CFAP20DC: variants seen among roughly 807,000 people sequenced by gnomAD.
CFAP20DC encodes protein CFAP20DC.
In CFAP20DC, 84 loss-of-function variants were observed where a neutral mutation model predicts 101.7. That is an observed-to-expected ratio of 0.83 (90% CI 0.69 to 0.99). The LOEUF (loss-of-function observed/expected upper bound fraction) is 0.99, where lower values mean the gene tolerates loss of function less well. Among genes scored for constraint, CFAP20DC ranks in the 50% least tolerant of loss-of-function variants. CFAP20DC has a pLI of 0.00. For synonymous variants in CFAP20DC, 359 were observed against 351.2 expected, an observed-to-expected ratio of 1.02 and a Z score of -0.25; for missense variants, 1,007 against 970.3, an observed-to-expected ratio of 1.04 and a Z score of -0.50.
intron 4 of CFAP20DC, among the ~76,000 whole-genome samples, chr3:59,025,752 T>C (rs536449870): frequency 1.3e-5 from 2 of 152,212 alleles, no homozygotes; most frequent in African/African-American, 4.8e-5. Flanking sequence ...ATCATTTAAC[T>C]GCACAGTGGT....
At chr3:58,757,381 C>T (rs1013989769) in intron 15 of CFAP20DC, among the ~76,000 whole-genome samples, 1 of 152,034 alleles carries the variant, frequency 6.6e-6, no homozygotes, top group Non-Finnish European at 1.5e-5. Context: ...TACATACACA[C>T]ACACACATAT....
chr3:58,812,699 G>A (rs1179154626), intron 14 of CFAP20DC, among the ~76,000 whole-genome samples: 1 of 151,504 alleles, frequency 6.6e-6, no homozygotes, highest in Non-Finnish European at 1.5e-5. Flanking sequence ...AAAACTTAAA[G>A]TATAATAATA....
chr3:59,046,259 T>C lies in CFAP20DC; in HGVS notation c.175A>G (p.Ile59Val). The C allele has an allele frequency of 1.3e-6, 2 of 1,532,794 alleles. No individual in the cohort carries two copies. Among genetic ancestry groups the C allele is most frequent in the Non-Finnish European group, 8.7e-7 (1 of 1,145,652 alleles). The allele number at this position is 1,532,794 out of a possible 1,614,324, so 94.9% of individuals were successfully genotyped here. The change falls in exon 3 of 17, where the codon ATT becomes GTT. Residue 59 changes from isoleucine to valine, a missense_variant. Ile to Val is a conservative substitution (Grantham distance 29). Transcript: ENST00000482387. ...TGCTTATTCTCCTTTGGTAACTGAA[T>C]TTTGTTTGTTTGGCTGCTGCCTTCC... is the stretch of plus-strand genomic sequence containing the variant. ...VLEGSSQTNK[I>V]QLPKENKQSL...
intron 7 of CFAP20DC, among the ~76,000 whole-genome samples, chr3:58,875,596 T>G (rs1267329420): frequency 1.3e-5 from 2 of 152,144 alleles, no homozygotes; most frequent in South Asian, 2.1e-4. Flanking sequence ...ACAAGAACAA[T>G]TTCCTGATGT....
intron 14 of CFAP20DC, among the ~76,000 whole-genome samples, chr3:58,831,428 CT>C (rs1351735166): frequency 2.6e-5 from 4 of 152,148 alleles, no homozygotes; most frequent in African/African-American, 9.7e-5. Flanking sequence ...TAAAATTGTT[CT>C]TTTTGTTCTT....
At chr3:58,770,908 A>G (rs2070781316) in intron 15 of CFAP20DC, among the ~76,000 whole-genome samples, 1 of 152,188 alleles carries the variant, frequency 6.6e-6, no homozygotes, top group Admixed American at 6.5e-5. Context: ...GGAATTTAGT[A>G]CATAGGTGTT....
chr3:58,758,592 GT>G (rs1196803334), intron 15 of CFAP20DC, among the ~76,000 whole-genome samples: 1 of 151,948 alleles, frequency 6.6e-6, no homozygotes, highest in African/African-American at 2.4e-5. Flanking sequence ...CAACGTGCAG[GT>G]TTGTTACATA....
chr3:58,923,043 A>AAGG (rs2085559312), intron 5 of CFAP20DC, among the ~76,000 whole-genome samples: 1 of 152,108 alleles, frequency 6.6e-6, no homozygotes, highest in Non-Finnish European at 1.5e-5. Context: ...AGTAGCTGGG[A>AAGG]CTACAGGTGT....
chr3:58,983,443 C>T (rs1007841251), intron 4 of CFAP20DC, among the ~76,000 whole-genome samples: 2 of 151,982 alleles, frequency 1.3e-5, no homozygotes, highest in African/African-American at 4.8e-5. Flanking sequence ...AGCACGAAAA[C>T]CATACTCAAT....
In CFAP20DC at chr3:58,869,297, C is replaced by A; in HGVS notation, c.1015+31G>T. 1 of 1,555,994 alleles carries A rather than the reference C, an allele frequency of 6.4e-7. No individual in the cohort carries two copies. Among genetic ancestry groups the A allele is most frequent in the Non-Finnish European group, 8.8e-7 (1 of 1,135,588 alleles). On this transcript the variant is annotated intron_variant, in intron 9 of 16. Transcript: ENST00000482387. The surrounding 1 kb of genome is among the most constrained non-coding windows in gnomAD (Gnocchi z 4.3). The stretch of plus-strand genomic sequence containing the variant: ...GAACATTTCTCACTATTTTCACTAG[C>A]TATCAATCTTTATGCATGATTATTT...
chr3:58,952,508 T>C (rs1016570923), intron 4 of CFAP20DC, among the ~76,000 whole-genome samples: 5 of 152,126 alleles, frequency 3.3e-5, no homozygotes, highest in African/African-American at 1.2e-4. Context: ...TGGCTGTGGA[T>C]TGTTCATTGA....
chr3:58,996,096 T>C (rs1338970329), intron 4 of CFAP20DC, among the ~76,000 whole-genome samples: 1 of 150,158 alleles, frequency 6.7e-6, no homozygotes, highest in African/African-American at 2.5e-5. Flanking sequence ...TTGGTATAAA[T>C]GAAGCAGAAA....
intron 4 of CFAP20DC, among the ~76,000 whole-genome samples, chr3:59,027,915 A>G (rs141874109): frequency 6.6e-6 from 1 of 152,376 alleles, no homozygotes; most frequent in East Asian, 1.9e-4. Context: ...AAGTGAAACC[A>G]TTAGACACAG....
intron 4 of CFAP20DC, among the ~76,000 whole-genome samples, chr3:58,976,350 T>C (rs2092275343): frequency 6.6e-6 from 1 of 151,980 alleles, no homozygotes; most frequent in Non-Finnish European, 1.5e-5. Flanking sequence ...TAAATGAAAA[T>C]GATTGTTGCC....
At chr3:58,793,839 G>T (rs1006204442) in intron 15 of CFAP20DC, among the ~76,000 whole-genome samples, 2 of 152,106 alleles carry the variant, frequency 1.3e-5, no homozygotes, top group Non-Finnish European at 2.9e-5. Context: ...CCAGATCTCA[G>T]GTTTCTTGTT....
chr3:58,850,480 C>T (rs368675469), intron 12 of CFAP20DC, among the ~76,000 whole-genome samples: 15 of 150,966 alleles, frequency 9.9e-5, no homozygotes, highest in African/African-American at 2.2e-4. Flanking sequence ...CCCAGCTACT[C>T]GGGAGACTGA....
intron 4 of CFAP20DC, among the ~76,000 whole-genome samples, chr3:59,019,275 T>C (rs2093753999): frequency 6.6e-6 from 1 of 152,034 alleles, no homozygotes; most frequent in Non-Finnish European, 1.5e-5. Flanking sequence ...GTGGAGGCAG[T>C]TGTGTCTTGG....
chr3:58,843,477 G>C (rs1208308532), intron 13 of CFAP20DC, among the ~76,000 whole-genome samples: 2 of 151,306 alleles, frequency 1.3e-5, no homozygotes, highest in Non-Finnish European at 3.0e-5. Flanking sequence ...AGAATAAAAA[G>C]AAATGAGCAA....
intron 7 of CFAP20DC, 117 bp from the exon 8 acceptor site, chr3:58,870,426 C>G (rs933514556): frequency 8.5e-6 from 8 of 938,958 alleles, no homozygotes; most frequent in African/African-American, 6.6e-5. Context: ...CCCCCTCCCC[C>G]CTCAGCATGT....
Sources: allele counts gnomAD v4.1 joint callset (sites outside exome capture counted in the v4.1 genomes callset), GRCh38; gene constraint gnomAD v4.1.1; non-coding constraint Gnocchi (gnomAD v3.1); transcripts MANE v1.5; gene names NCBI Gene and HGNC (gene_info 2026-07-23, HGNC 2026-07-21).